Variants in ADGRL2 observed in about 807,000 individuals in gnomAD.
ADGRL2 encodes calcium-independent alpha-latrotoxin receptor 2.
Under a neutral mutation model 157.4 loss-of-function variants are expected in ADGRL2, and 44 were observed. The observed-to-expected ratio is 0.28, with a 90% CI of 0.22 to 0.36. The LOEUF (loss-of-function observed/expected upper bound fraction) is 0.36. ADGRL2 is among the 10% of genes least tolerant of loss of function. The pLI is 1.00. For synonymous variants in ADGRL2, 585 were observed against 624.7 expected, an observed-to-expected ratio of 0.94 and a Z score of 0.95; for missense variants, 1,510 against 1,768.9, an observed-to-expected ratio of 0.85 and a Z score of 2.63.
rs1303017372 is a variant in ADGRL2 at position 81,991,211 on chromosome 1, A to T, written c.*66A>T. The T allele has an allele frequency of 7.0e-7, 1 of 1,436,572 alleles. No homozygotes were observed. Among genetic ancestry groups the T allele is most frequent in the Non-Finnish European group, 9.4e-7 (1 of 1,065,494 alleles). 89.0% of individuals were successfully genotyped at this position (1,436,572 alleles called of 1,614,324 possible). ...AATAAATAAAGACACCATTGGCCTG[A>T]CGCAGCTCCCTCAAACTCTGCTTGA... On this transcript the variant is annotated 3_prime_UTR_variant, in exon 24 of 24. Coordinates refer to ENST00000686636, the MANE Select transcript of ADGRL2 (RefSeq NM_001366006.2).
In ADGRL2 at chr1:81,396,326, T is replaced by C. The variant is rs1248633613; in HGVS notation, c.-301-48710T>C. Among the ~76,000 whole-genome samples the C allele has an allele frequency of 2.0e-5, 3 of 152,326 alleles. No homozygotes were observed. In the East Asian group the frequency reaches 5.8e-4, roughly 29 times the overall value. On this transcript the variant is annotated intron_variant, in intron 1 of 24. Transcript: ENST00000370721. ...TCATTGTTGGTGTATACAAATGCTA[T>C]TGATTTTTGCATGTTAATTTTGTAT...
chr1:81,726,873 T>G (rs72715744), intron 1 of ADGRL2, among the ~76,000 whole-genome samples: 1 of 152,200 alleles, frequency 6.6e-6, no homozygotes, highest in African/African-American at 2.4e-5. Context: ...AAGCTATCAT[T>G]AGGGATTCAC....
At chr1:81,907,272 C>A (rs751262669) in intron 3 of ADGRL2, 42 bp downstream of exon 3, 3 of 1,515,796 alleles carry the variant, frequency 2.0e-6, no homozygotes, top group Admixed American at 3.3e-5. Context: ...GCTATTGTAT[C>A]CAAATTAGAA....
chr1:81,933,021 A>C (rs2095257226), intron 3 of ADGRL2, among the ~76,000 whole-genome samples: 1 of 152,042 alleles, frequency 6.6e-6, no homozygotes, highest in Non-Finnish European at 1.5e-5. Flanking sequence ...TATTTCTAAC[A>C]AGTTTTCAGC....
At chr1:81,742,786 A>T (rs1370205717) in intron 1 of ADGRL2, among the ~76,000 whole-genome samples, 1 of 152,050 alleles carries the variant, frequency 6.6e-6, no homozygotes, top group Non-Finnish European at 1.5e-5. Context: ...TTATTTTTGT[A>T]TTTAATTATT....
intron 1 of ADGRL2, among the ~76,000 whole-genome samples, chr1:81,444,205 T>G (rs1420575376): frequency 2.0e-5 from 3 of 152,254 alleles, no homozygotes; most frequent in Non-Finnish European, 2.9e-5. Context: ...CACTGGCAAC[T>G]GATACTAATG....
At chr1:81,322,459 T>G (rs1660593035) in intron 1 of ADGRL2, among the ~76,000 whole-genome samples, 1 of 152,130 alleles carries the variant, frequency 6.6e-6, no homozygotes, top group South Asian at 2.1e-4. Flanking sequence ...AAATGAGGTT[T>G]TCTAGCAAGG....
intron 2 of ADGRL2, among the ~76,000 whole-genome samples, chr1:81,855,995 G>A (rs1044986065): frequency 1.3e-5 from 2 of 152,172 alleles, no homozygotes; most frequent in African/African-American, 4.8e-5. Context: ...AGAAGCTGAT[G>A]TTTGGGAATA....
intron 3 of ADGRL2, among the ~76,000 whole-genome samples, chr1:81,630,684 T>A (rs1040310604): frequency 2.0e-5 from 3 of 152,214 alleles, no homozygotes; most frequent in African/African-American, 7.2e-5. Context: ...TTGGGCTTGA[T>A]TAGCAGCCTA....
chr1:81,831,061 A>G (rs2091910405), intron 1 of ADGRL2, among the ~76,000 whole-genome samples: 1 of 152,180 alleles, frequency 6.6e-6, no homozygotes, highest in Non-Finnish European at 1.5e-5. Context: ...CTTATGAGTG[A>G]GCCACGTTGA....
At chr1:81,777,257 TA>T (rs1461904917) in intron 2 of ADGRL2, among the ~76,000 whole-genome samples, 6 of 152,224 alleles carry the variant, frequency 3.9e-5, no homozygotes, top group Non-Finnish European at 8.8e-5. Flanking sequence ...TAATGCAGCC[TA>T]AATCACTTCT....
intron 3 of ADGRL2, among the ~76,000 whole-genome samples, chr1:81,614,296 G>C (rs532215736): frequency 6.6e-6 from 1 of 152,094 alleles, no homozygotes. Flanking sequence ...GATGTTACTC[G>C]ATGAGACACA....
chr1:81,609,689 CAGA>C (rs113317546), intron 3 of ADGRL2, among the ~76,000 whole-genome samples: 3,968 of 152,254 alleles, frequency 0.026, 163 homozygotes, highest in African/African-American at 0.09. Flanking sequence ...GACAATATTC[CAGA>C]AGAAGTATTC....
chr1:81,351,343 C>T (rs766313977), intron 1 of ADGRL2, among the ~76,000 whole-genome samples: 11 of 151,980 alleles, frequency 7.2e-5, no homozygotes, highest in South Asian at 2.1e-4. Context: ...TTGTTCTGCA[C>T]CAGAGCCATA....
intron 3 of ADGRL2, among the ~76,000 whole-genome samples, chr1:81,627,184 G>A (rs1017096591): frequency 2.0e-5 from 3 of 152,018 alleles, no homozygotes; most frequent in Admixed American, 6.6e-5. Context: ...TAACAAATGC[G>A]TGTATAAAGG....
At chr1:81,848,275 CTATATAG>C (rs2092870100) in intron 2 of ADGRL2, among the ~76,000 whole-genome samples, 1 of 151,704 alleles carries the variant, frequency 6.6e-6, no homozygotes, top group South Asian at 2.1e-4. Flanking sequence ...ATAGAGACTC[CTATATAG>C]GTACCTGAGA....
intron 2 of ADGRL2, among the ~76,000 whole-genome samples, chr1:81,790,694 A>C (rs2087292869): frequency 6.6e-6 from 1 of 152,244 alleles, no homozygotes; most frequent in Admixed American, 6.5e-5. Context: ...ACTTTCCATC[A>C]GCCAACTACA....
At chr1:81,518,566 A>C (rs1009416760) in intron 2 of ADGRL2, among the ~76,000 whole-genome samples, 2 of 152,226 alleles carry the variant, frequency 1.3e-5, no homozygotes, top group African/African-American at 4.8e-5. Context: ...TCAACATTTG[A>C]TAAGACAGAC....
chr1:81,814,492 A>C (rs2090186179), intron 1 of ADGRL2, among the ~76,000 whole-genome samples: 2 of 151,488 alleles, frequency 1.3e-5, no homozygotes, highest in Non-Finnish European at 3.0e-5. Flanking sequence ...AGAATATGAT[A>C]AACCCTAAAT....
Sources: allele counts gnomAD v4.1 joint callset (sites outside exome capture counted in the v4.1 genomes callset), GRCh38; gene constraint gnomAD v4.1.1; transcripts MANE v1.5; gene names NCBI Gene and HGNC (gene_info 2026-07-23, HGNC 2026-07-21).